Variants in IL20RA observed in about 807,000 individuals in gnomAD.
IL20RA encodes the protein interleukin 20 receptor subunit alpha.
Under a neutral mutation model 36.5 loss-of-function variants are expected in IL20RA, and 29 were observed. The observed-to-expected ratio is 0.79, with a 90% CI of 0.59 to 1.08. The LOEUF is 1.08. Among genes scored for constraint, IL20RA ranks in the 50% least tolerant of loss-of-function variants. The probability of loss-of-function intolerance (pLI) is 0.00; values close to 1 mark genes in which losing one functional copy is unlikely to be tolerated. For synonymous variants in IL20RA, 279 were observed against 267.1 expected (o/e 1.04, Z -0.43); for missense variants, 652 against 668.4 (o/e 0.98, Z 0.27).
At chr6:137,027,807 G>A (rs1433568260) in intron 1 of IL20RA, among the ~76,000 whole-genome samples, 1 of 152,216 alleles carries the variant, frequency 6.6e-6, no homozygotes, top group African/African-American at 2.4e-5. Context: ...CCATTTGGTG[G>A]ATGCTCAGGC....
chr6:137,017,237 T>C (rs780496763), intron 1 of IL20RA, 134 bp from the exon 2 acceptor site: 1 of 671,352 alleles, frequency 1.5e-6, no homozygotes, highest in Non-Finnish European at 2.5e-6. Flanking sequence ...ATCTCTGAAA[T>C]GGAAAAGAGA....
chr6:137,035,174 C>A (rs1776447962), intron 1 of IL20RA, among the ~76,000 whole-genome samples: 1 of 152,106 alleles, frequency 6.6e-6, no homozygotes, highest in Non-Finnish European at 1.5e-5. Context: ...TGGCAACCTA[C>A]TTATGACTAC....
At chr6:137,003,530 T>A (rs898267997) in intron 6 of IL20RA, among the ~76,000 whole-genome samples, 1 of 152,216 alleles carries the variant, frequency 6.6e-6, no homozygotes, top group African/African-American at 2.4e-5. Context: ...CCTGTTAGAC[T>A]TGAATCTTCT....
intron 2 of IL20RA, 58 bp downstream of exon 2, chr6:137,016,910 T>C: frequency 6.8e-7 from 1 of 1,469,384 alleles, no homozygotes; most frequent in African/African-American, 1.4e-5. Context: ...TTTACACAAT[T>C]CACAAGAGTC....
Position 137,001,696 on chromosome 6 carries a change from C to G in IL20RA, c.1524G>C (p.Glu508Asp), listed in dbSNP as rs143111644. The G allele has an allele frequency of 1.8e-5, 29 of 1,614,152 alleles. No individual in the cohort carries two copies. In the East Asian group the frequency reaches 6.5e-4, roughly 36 times the overall value. ...DQDSEGCEPS[E>D]GDGLGEEGLL... ...GACCCTCCTCTCCGAGCCCATCCCC[C>G]TCAGAAGGCTCGCAGCCCTCTGAAT... Residue 508 changes from glutamate to aspartate, a missense_variant, in exon 7 of 7, where the codon GAG becomes GAC. Transcript: ENST00000316649.
At chr6:137,044,270 G>A in intron 1 of IL20RA, 6 of 996,048 alleles carry the variant, frequency 6.0e-6, no homozygotes, top group Non-Finnish European at 7.2e-6. Flanking sequence ...CGGGAACCTG[G>A]GACTGGCCGG....
Position 137,002,161 on chromosome 6 carries a change from C to T in IL20RA, c.1059G>A (p.Glu353=), listed in dbSNP as rs377604911. The change falls in exon 7 of 7, where the codon GAG becomes GAA. Residue 353 remains glutamate (E), a synonymous_variant. Transcript: ENST00000316649. ...ACCCTAAATGTTTCACCTCCTCTTC[C>T]TCCTGAGGGGGCCTCAGGTTCCCGC... ...QPSGNLRPPQ[E]EEEVKHLGYA... is the part of the protein sequence containing the mutation. 5.0e-6 allele frequency: 8 copies of T among 1,614,148 alleles called. No homozygotes were observed. Among genetic ancestry groups the T allele is most frequent in the Middle Eastern group, 1.6e-4 (1 of 6,062 alleles).
chr6:137,002,129 G>A lies in IL20RA; in HGVS notation c.1091C>T (p.Ser364Leu), dbSNP rs766997925. The A allele has an allele frequency of 4.3e-6, 7 of 1,614,074 alleles. No homozygotes were observed. In the East Asian group the frequency reaches 8.9e-5, roughly 21 times the overall value. ...GTCACAAAAAATTTCCATCAAATGCGAAGCATACCCTAAATGTTTCACCTC... is the reference window on the plus strand; with the variant it reads ...GTCACAAAAAATTTCCATCAAATGCAAAGCATACCCTAAATGTTTCACCTC... ...EEEVKHLGYA[S>L]HLMEIFCDSE... The change falls in exon 7 of 7, where the codon TCG becomes TTG. Residue 364 changes from serine to leucine, a missense_variant. Physicochemically the swap from Ser to Leu is moderately radical, Grantham distance 145 (BLOSUM62 -2). Coordinates refer to ENST00000316649, the MANE Select transcript of IL20RA (RefSeq NM_014432.4).
rs1775389355 is a variant in IL20RA at position 137,009,312 on chromosome 6, C to T, written c.579+5G>A. The T allele has an allele frequency of 6.2e-7, 1 of 1,610,878 alleles. No individual in the cohort carries two copies. The highest frequency in any genetic ancestry group is 1.3e-5 in the African/African-American group (1 of 74,824). ...AATGTATGCCCCATTCCATTTCAGG[C>T]TTACCGTTCTGTTTGATTTAGTATT... On this transcript the variant is annotated splice_donor_5th_base_variant and intron_variant, in intron 4 of 6. Coordinates refer to ENST00000316649, the MANE Select transcript of IL20RA (RefSeq NM_014432.4).
At chr6:137,042,097 G>A (rs1356924271) in intron 1 of IL20RA, among the ~76,000 whole-genome samples, 3 of 152,200 alleles carry the variant, frequency 2.0e-5, no homozygotes, top group Non-Finnish European at 4.4e-5. Flanking sequence ...CTGAGCAGGA[G>A]TTAGCTGGGA....
intron 1 of IL20RA, chr6:137,044,062 A>G: frequency 1.0e-6 from 1 of 974,082 alleles, no homozygotes; most frequent in East Asian, 1.1e-4. Context: ...CAAAGGAAAC[A>G]ACGGCGTACC....
At chr6:137,031,312 G>T (rs73778309) in intron 1 of IL20RA, among the ~76,000 whole-genome samples, 2,194 of 152,266 alleles carry the variant, frequency 0.014, 63 homozygotes, top group African/African-American at 0.05. Flanking sequence ...TGTACAGCTG[G>T]GTGTAGCTGG....
chr6:137,006,997 T>C (rs1582818216), intron 5 of IL20RA, among the ~76,000 whole-genome samples: 1 of 152,328 alleles, frequency 6.6e-6, no homozygotes, highest in East Asian at 1.9e-4. Flanking sequence ...GTGCTGTTAT[T>C]ATAGGCGTGA....
chr6:137,037,202 T>G (rs926045623), intron 1 of IL20RA, among the ~76,000 whole-genome samples: 1 of 152,194 alleles, frequency 6.6e-6, no homozygotes, highest in African/African-American at 2.4e-5. Context: ...GCCTTTTCTC[T>G]GTGTTGTGGG....
At chr6:137,044,405 C>T (rs1776821667) in intron 1 of IL20RA, 2 of 1,011,642 alleles carry the variant, frequency 2.0e-6, no homozygotes, top group Non-Finnish European at 1.2e-6. Flanking sequence ...GTGCGGAGCG[C>T]GGAGTCCTGC....
chr6:137,017,845 T>A (rs971108796), intron 1 of IL20RA, among the ~76,000 whole-genome samples: 7 of 152,114 alleles, frequency 4.6e-5, no homozygotes, highest in African/African-American at 1.7e-4. Context: ...GAAATCCTTG[T>A]AGAGAAATGG....
Position 137,001,431 on chromosome 6 carries a change from T to A in IL20RA, c.*127A>T. The A allele has an allele frequency of 1.2e-6, 1 of 806,854 alleles. No homozygotes were observed. Among genetic ancestry groups the A allele is most frequent in the South Asian group, 2.0e-5 (1 of 51,196 alleles). The allele number at this position is 806,854 out of a possible 1,614,324, so 50.0% of individuals were successfully genotyped here. A position where few individuals can be genotyped will look rare whatever the true frequency, so the allele number is the denominator to read the frequency against. On this transcript the variant is annotated 3_prime_UTR_variant, in exon 7 of 7. Transcript: ENST00000316649. Reference sequence around the variant, plus strand: ...GTGCTATGAGAATAGAGAAAAGAAATAAGTAATTCTCACAGACACTGACAA... The same window carrying A: ...GTGCTATGAGAATAGAGAAAAGAAAAAAGTAATTCTCACAGACACTGACAA...
intron 5 of IL20RA, among the ~76,000 whole-genome samples, chr6:137,006,718 T>C (rs1775297012): frequency 1.4e-5 from 2 of 145,838 alleles, no homozygotes; most frequent in South Asian, 4.5e-4. Context: ...TTCCGTTAAT[T>C]TTTCTTTCTT....
At chr6:137,020,247 G>A (rs1334194609) in intron 1 of IL20RA, among the ~76,000 whole-genome samples, 2 of 152,104 alleles carry the variant, frequency 1.3e-5, no homozygotes, top group African/African-American at 4.8e-5. Flanking sequence ...TGGATCCTCC[G>A]ACCCCAGTCC....
Sources: allele counts gnomAD v4.1 joint callset (sites outside exome capture counted in the v4.1 genomes callset), GRCh38; gene constraint gnomAD v4.1.1; transcripts MANE v1.5; gene names NCBI Gene and HGNC (gene_info 2026-07-23, HGNC 2026-07-21).